ESCO1: variants seen among roughly 807,000 people sequenced by gnomAD.
ESCO1 encodes N-acetyltransferase ESCO1.
A neutral mutation model predicts 83.5 loss-of-function variants in ESCO1; 33 were observed. That is an observed-to-expected ratio of 0.40 (90% CI 0.30 to 0.53). The LOEUF is 0.53. Ranked by LOEUF, ESCO1 falls within the 20% of genes least tolerant of loss-of-function variation. The pLI is 0.63. For synonymous variants in ESCO1, 332 were observed against 324.3 expected, an observed-to-expected ratio of 1.02 and a Z score of -0.25; for missense variants, 855 against 968.0, an observed-to-expected ratio of 0.88 and a Z score of 1.55.
Position 21,530,266 on chromosome 18 carries a change from CTAGTTCCTGGT to C in ESCO1, c.*66_*76del. On this transcript the variant is annotated 3_prime_UTR_variant, in exon 12 of 12. Transcript: ENST00000269214. ...TGAGTTCATTGTAATAAAAATGGCC[CTAGTTCCTGGT>C]TAAAGTCAGCAACCAATCCATTCTC... 7.6e-7 allele frequency: 1 copy of C among 1,313,928 alleles called. No individual in the cohort carries two copies. 81.4% of individuals were successfully genotyped at this position (1,313,928 alleles called of 1,614,324 possible).
intron 1 of ESCO1, among the ~76,000 whole-genome samples, chr18:21,598,586 C>T (rs565797894): frequency 3.7e-4 from 57 of 152,148 alleles, no homozygotes; most frequent in Admixed American, 3.7e-3. Context: ...TCTGTAATCC[C>T]AGCTACTCGG....
intron 2 of ESCO1, among the ~76,000 whole-genome samples, chr18:21,579,792 GCGCACACACA>G (rs754215160): frequency 0.067 from 9,013 of 134,952 alleles, 480 homozygotes; most frequent in Non-Finnish European, 0.089. Context: ...ACACGCGCGC[GCGCACACACA>G]CACACACACA....
At chr18:21,579,687 G>C (rs1186099133) in intron 2 of ESCO1, among the ~76,000 whole-genome samples, 2 of 150,272 alleles carry the variant, frequency 1.3e-5, no homozygotes, top group African/African-American at 4.9e-5. Context: ...CAGGAGAATT[G>C]CTTGAACCAA....
At chr18:21,546,793 C>T (rs1262222547) in intron 8 of ESCO1, among the ~76,000 whole-genome samples, 1 of 152,166 alleles carries the variant, frequency 6.6e-6, no homozygotes, top group Non-Finnish European at 1.5e-5. Flanking sequence ...GTGATCCTCC[C>T]GCCCTGGCCT....
At chr18:21,541,411 G>A (rs1025869404) in intron 8 of ESCO1, among the ~76,000 whole-genome samples, 3 of 151,920 alleles carry the variant, frequency 2.0e-5, no homozygotes, top group East Asian at 1.9e-4. Flanking sequence ...TGGAAACCCC[G>A]AATCTACTAA....
intron 8 of ESCO1, among the ~76,000 whole-genome samples, chr18:21,554,197 T>C (rs2038083205): frequency 6.6e-6 from 1 of 152,072 alleles, no homozygotes; most frequent in East Asian, 1.9e-4. Context: ...CAGATAGAAA[T>C]GCAAAAGAAT....
At chr18:21,570,521 AAT>A (rs1297241516) in intron 4 of ESCO1, among the ~76,000 whole-genome samples, 1 of 152,260 alleles carries the variant, frequency 6.6e-6, no homozygotes, top group Non-Finnish European at 1.5e-5. Context: ...AAGTTACAAA[AAT>A]ATATGTGCTA....
chr18:21,562,923 G>A (rs1284577854), intron 7 of ESCO1, among the ~76,000 whole-genome samples: 1 of 150,450 alleles, frequency 6.6e-6, no homozygotes, highest in Non-Finnish European at 1.5e-5. Context: ...CCAGGCTGGA[G>A]TGCAATGGCA....
chr18:21,575,165 T>G lies in ESCO1; in HGVS notation c.-322A>C. 1 of 372,040 alleles carries G rather than the reference T, an allele frequency of 2.7e-6. No individual in the cohort carries two copies. Among genetic ancestry groups the G allele is most frequent in the Non-Finnish European group, 4.7e-6 (1 of 210,998 alleles). The allele number at this position is 372,040 out of a possible 1,614,324, so 23.0% of individuals were successfully genotyped here. A position where few individuals can be genotyped will look rare whatever the true frequency, so the allele number is the denominator to read the frequency against. Reference sequence around the variant, plus strand: ...GAAATTTAATTCAGGTTCAATCTGTTTTGTTAATTTTTTAATTAATTTTGG... The same window carrying G: ...GAAATTTAATTCAGGTTCAATCTGTGTTGTTAATTTTTTAATTAATTTTGG... On this transcript the variant is annotated 5_prime_UTR_variant, in exon 4 of 12. Coordinates refer to ENST00000269214, the MANE Select transcript of ESCO1 (RefSeq NM_052911.3).
At chr18:21,578,737 G>C (rs1427419482) in intron 2 of ESCO1, among the ~76,000 whole-genome samples, 1 of 152,120 alleles carries the variant, frequency 6.6e-6, no homozygotes, top group African/African-American at 2.4e-5. Context: ...TCGCTTTGTT[G>C]TCCAGGCTAG....
At chr18:21,568,720 C>T (rs2038297151) in intron 4 of ESCO1, among the ~76,000 whole-genome samples, 1 of 151,966 alleles carries the variant, frequency 6.6e-6, no homozygotes, top group Non-Finnish European at 1.5e-5. Context: ...CTGACCAACA[C>T]AGTGAAACCT....
At chr18:21,589,444 T>C (rs1055856211) in intron 1 of ESCO1, among the ~76,000 whole-genome samples, 2 of 152,076 alleles carry the variant, frequency 1.3e-5, no homozygotes, top group Non-Finnish European at 2.9e-5. Flanking sequence ...TGCCCTTAAA[T>C]AGTCTCCTAT....
chr18:21,536,320 T>C, intron 9 of ESCO1, 135 bp from the exon 10 acceptor site: 1 of 1,003,536 alleles, frequency 1.0e-6, no homozygotes. Context: ...CTGGGTGTGG[T>C]GGTTCACACC....
rs1453745264 is a variant in ESCO1, at chr18:21,571,740, A to G, written c.1530+1574T>C. Among the ~76,000 whole-genome samples the G allele has an allele frequency of 2.0e-5, 3 of 152,314 alleles. No homozygotes were observed. The South Asian group carries it at 6.2e-4, about 32-fold the overall frequency. ...AGACACACTCTCCAACTACATCTGG[A>G]GACACAATCCTGAATAAAAAGCCAC... On this transcript the variant is annotated intron_variant, in intron 4 of 11. Coordinates refer to ENST00000269214, the MANE Select transcript of ESCO1 (RefSeq NM_052911.3).
rs750982365 is a variant in ESCO1 at position 21,573,808 on chromosome 18, C to A, written c.1036G>T (p.Val346Phe). 2.5e-6 allele frequency: 4 copies of A among 1,614,000 alleles called. No individual in the cohort carries two copies. The highest frequency in any genetic ancestry group is 8.5e-7 in the Non-Finnish European group (1 of 1,180,028). The change falls in exon 4 of 12, where the codon GTT (valine) becomes TTT (phenylalanine). Residue 346 changes from valine (V) to phenylalanine (F), a missense_variant. By Grantham distance (50) the Val-to-Phe change is conservative. Transcript: ENST00000269214. The stretch of plus-strand genomic sequence containing the variant: ...TTCTGATGAAGTATTTGTCTTTCAA[C>A]ACTGGTCTCTTCCAATTTTATTTCT... ...PTEIKLEETS[V>F]ERQILHQKET...
At chr18:21,585,863 G>A (rs988042026) in intron 1 of ESCO1, among the ~76,000 whole-genome samples, 1 of 152,034 alleles carries the variant, frequency 6.6e-6, no homozygotes, top group Non-Finnish European at 1.5e-5. Flanking sequence ...AAAATGCTAG[G>A]ATTACAGGTG....
chr18:21,563,839 GAT>G (rs1479999474), intron 7 of ESCO1, among the ~76,000 whole-genome samples: 2 of 151,774 alleles, frequency 1.3e-5, no homozygotes, highest in Non-Finnish European at 2.9e-5. Context: ...GGCTTAGTGA[GAT>G]ATGTTTGCGT....
chr18:21,541,618 A>C (rs1324067168), intron 8 of ESCO1, among the ~76,000 whole-genome samples: 1 of 151,554 alleles, frequency 6.6e-6, no homozygotes, highest in African/African-American at 2.4e-5. Context: ...AAAAGAAAGA[A>C]AGTAAATCTG....
At chr18:21,533,889 A>AT (rs1568090253) in intron 10 of ESCO1, among the ~76,000 whole-genome samples, 6 of 152,112 alleles carry the variant, frequency 3.9e-5, no homozygotes, top group Admixed American at 3.9e-4. Context: ...TTCAGGCTGA[A>AT]TATTTATTTA....
Sources: allele counts gnomAD v4.1 joint callset (sites outside exome capture counted in the v4.1 genomes callset), GRCh38; gene constraint gnomAD v4.1.1; transcripts MANE v1.5; gene names NCBI Gene and HGNC (gene_info 2026-07-23, HGNC 2026-07-21).